Variants in CAMSAP2 observed in about 807,000 individuals in gnomAD.
CAMSAP2 encodes calmodulin regulated spectrin associated protein family member 2.
CAMSAP2 carries 26 observed loss-of-function variants against 146.1 expected under a neutral mutation model. The observed-to-expected ratio is 0.18, with a 90% CI of 0.13 to 0.25. The LOEUF is 0.25. CAMSAP2 is among the 10% of genes least tolerant of loss of function. The pLI, the probability that CAMSAP2 is intolerant of heterozygous loss-of-function variation, is 1.00. For synonymous variants in CAMSAP2, 499 were observed against 596.6 expected (o/e 0.84, Z 2.38); for missense variants, 1,381 against 1,759.3 (o/e 0.78, Z 3.85).
intron 4 of CAMSAP2, among the ~76,000 whole-genome samples, chr1:200,819,480 A>G (rs1049347315): frequency 1.3e-5 from 2 of 152,224 alleles, no homozygotes; most frequent in African/African-American, 4.8e-5. Context: ...AGCCAAGATG[A>G]CATTAAGTCC....
At chr1:200,775,223 A>G (rs1665238625) in intron 2 of CAMSAP2, among the ~76,000 whole-genome samples, 1 of 152,226 alleles carries the variant, frequency 6.6e-6, no homozygotes, top group East Asian at 1.9e-4. Flanking sequence ...AAGAAATAGT[A>G]AGCTTACTGG....
At position 200,857,122 on chromosome 1, in the gene CAMSAP2, A is replaced by G. The variant is rs561744000; in HGVS notation, c.4013-184A>G. On this transcript the variant is annotated intron_variant, in intron 15 of 16. Transcript: ENST00000358823. The surrounding 1 kb of genome is among the most constrained non-coding windows in gnomAD (Gnocchi z 4.7). ...CCAAAAGGCCATAGGAACATCCTCC[A>G]TATCTCTGGGTGGATAAAACAATGT... Among the ~76,000 whole-genome samples, 4 of 152,268 alleles carry G rather than the reference A, an allele frequency of 2.6e-5. No homozygotes were observed. The highest frequency in any genetic ancestry group is 7.2e-5 in the African/African-American group (3 of 41,546).
intron 2 of CAMSAP2, among the ~76,000 whole-genome samples, chr1:200,802,382 G>A (rs551407764): frequency 3.0e-4 from 45 of 152,248 alleles, no homozygotes; most frequent in Non-Finnish European, 5.3e-4. Context: ...TCATCTCAGC[G>A]GAGTTGCAAG....
At chr1:200,847,874 TAA>T (rs1413695900) in intron 10 of CAMSAP2, among the ~76,000 whole-genome samples, 156 bp from the exon 11 acceptor site, 1 of 152,204 alleles carries the variant, frequency 6.6e-6, no homozygotes, top group Non-Finnish European at 1.5e-5. Context: ...AGGCTAACTT[TAA>T]AAAGTAGCTA....
intron 2 of CAMSAP2, among the ~76,000 whole-genome samples, chr1:200,774,319 A>G (rs1665205755): frequency 6.6e-6 from 1 of 151,808 alleles, no homozygotes; most frequent in African/African-American, 2.4e-5. Flanking sequence ...AAAAAAAAAA[A>G]TCTTTACAAT....
In CAMSAP2 at chr1:200,832,162, GTACT is replaced by G. The variant is rs749190601; in HGVS notation, c.646-35_646-32del. On this transcript the variant is annotated intron_variant, in intron 4 of 16. Coordinates refer to ENST00000358823, the MANE Select transcript of CAMSAP2 (RefSeq NM_203459.4). The surrounding 1 kb of genome is among the most constrained non-coding windows in gnomAD (Gnocchi z 4.2). ...TGATTTTTTTCCTATGCGTTATTTG[GTACT>G]TATTTATTTTCATGTATTTTTTTTA... is the stretch of plus-strand genomic sequence containing the variant. 28 of 1,546,274 alleles carry G rather than the reference GTACT, an allele frequency of 1.8e-5. No individual in the cohort carries two copies. Among genetic ancestry groups the G allele is most frequent in the Non-Finnish European group, 2.4e-5 (28 of 1,144,042 alleles).
intron 4 of CAMSAP2, among the ~76,000 whole-genome samples, chr1:200,821,181 C>T (rs10733063): frequency 0.72 from 105,936 of 147,932 alleles, 37,794 homozygotes; most frequent in Middle Eastern, 0.78. Context: ...TCTTCTTCTT[C>T]TTTTTTTTTT....
At position 200,739,771 on chromosome 1, in the gene CAMSAP2, C is replaced by G; in HGVS notation, c.-57C>G. On this transcript the variant is annotated 5_prime_UTR_variant, in exon 1 of 17. Transcript: ENST00000358823. The surrounding 1 kb of genome is among the most constrained non-coding windows in gnomAD (Gnocchi z 4.8). ...CCCTCCCTCCCGACCCCCGTGGTGG[C>G]GAGGCCACGCCATGTGAAGGTTAGG... 2.0e-6 allele frequency: 3 copies of G among 1,517,716 alleles called. No homozygotes were observed. Among genetic ancestry groups the G allele is most frequent in the Middle Eastern group, 1.9e-4 (1 of 5,270 alleles). 94.0% of individuals were successfully genotyped at this position (1,517,716 alleles called of 1,614,324 possible). A position where few individuals can be genotyped will look rare whatever the true frequency, so the allele number is the denominator to read the frequency against.
intron 2 of CAMSAP2, among the ~76,000 whole-genome samples, chr1:200,797,986 A>G (rs2103038193): frequency 1.3e-5 from 2 of 152,226 alleles, no homozygotes; most frequent in South Asian, 4.2e-4. Context: ...AGTTGTAGGT[A>G]TGCGGCGTTA....
intron 1 of CAMSAP2, among the ~76,000 whole-genome samples, chr1:200,743,189 C>G (rs1185146884): frequency 6.6e-6 from 1 of 152,160 alleles, no homozygotes; most frequent in Non-Finnish European, 1.5e-5. Context: ...TCTCTTAAAT[C>G]CTTTGGGGGA....
chr1:200,784,765 A>G (rs1291529483), intron 2 of CAMSAP2, among the ~76,000 whole-genome samples: 2 of 152,194 alleles, frequency 1.3e-5, no homozygotes, highest in African/African-American at 4.8e-5. Flanking sequence ...ACTGCCAAAC[A>G]CTAACAGTTA....
At position 200,852,533 on chromosome 1, in the gene CAMSAP2, G is replaced by T. The variant is rs542664980; in HGVS notation, c.3466-8G>T. ...TGTTTGATCGTTTTCAATGAAATTC[G>T]TTCTTAGGATGATCAAAAAGCAGAA... is the stretch of plus-strand genomic sequence containing the variant. On this transcript the variant is annotated splice_polypyrimidine_tract_variant and splice_region_variant and intron_variant, in intron 11 of 16. Transcript: ENST00000358823. 6.2e-7 allele frequency: 1 copy of T among 1,601,950 alleles called. No homozygotes were observed.
intron 11 of CAMSAP2, 90 bp from the exon 12 acceptor site, chr1:200,852,451 G>A (rs919781130): frequency 6.9e-7 from 1 of 1,439,812 alleles, no homozygotes; most frequent in South Asian, 1.4e-5. Context: ...TTCAGTTATA[G>A]GACTAACCAC....
intron 2 of CAMSAP2, among the ~76,000 whole-genome samples, chr1:200,778,028 A>G (rs753268130): frequency 6.6e-6 from 1 of 152,226 alleles, no homozygotes; most frequent in Non-Finnish European, 1.5e-5. Context: ...ACTTGAGCTC[A>G]GGAGTTCGAG....
chr1:200,750,888 C>A (rs1346831451), intron 1 of CAMSAP2, among the ~76,000 whole-genome samples: 1 of 144,396 alleles, frequency 6.9e-6, no homozygotes, highest in Non-Finnish European at 1.5e-5. Flanking sequence ...TAGGCATGAG[C>A]CACCGCGCCT....
At chr1:200,741,545 A>G (rs1347297749) in intron 1 of CAMSAP2, among the ~76,000 whole-genome samples, 4 of 152,256 alleles carry the variant, frequency 2.6e-5, no homozygotes, top group Non-Finnish European at 5.9e-5. Flanking sequence ...CCTATGTGGA[A>G]AAGTAGTATG....
chr1:200,832,243 G>T lies in CAMSAP2; in HGVS notation c.689G>T (p.Cys230Phe). The change falls in exon 5 of 17, where the codon TGC (cysteine) becomes TTC (phenylalanine). Residue 230 changes from cysteine (C) to phenylalanine (F), a missense_variant. By Grantham distance (205) the Cys-to-Phe change is radical. This residue lies in a region of CAMSAP2 where 284 missense variants were observed against 406.9 expected (regional missense o/e 0.70). Transcript: ENST00000358823. The surrounding 1 kb of genome is among the most constrained non-coding windows in gnomAD (Gnocchi z 4.2). ...KEQTLLKQLP[C>F]IPLVENLLKD... ...CAAACATTGCTTAAGCAACTGCCTT[G>T]CATTCCATTGGTAGAAAATTTGTTG... 2.5e-6 allele frequency: 4 copies of T among 1,613,330 alleles called. No individual in the cohort carries two copies. The highest frequency in any genetic ancestry group is 3.4e-6 in the Non-Finnish European group (4 of 1,179,578).
chr1:200,760,630 G>T (rs1256330959), intron 1 of CAMSAP2, among the ~76,000 whole-genome samples: 1 of 152,174 alleles, frequency 6.6e-6, no homozygotes, highest in Non-Finnish European at 1.5e-5. Flanking sequence ...AATATACTCA[G>T]AAAGTATCTT....
chr1:200,829,909 AGAGT>A, intron 4 of CAMSAP2, among the ~76,000 whole-genome samples: 1 of 152,308 alleles, frequency 6.6e-6, no homozygotes, highest in East Asian at 1.9e-4. Context: ...CCTGGGTAAC[AGAGT>A]GAGACGCTAT....
Sources: gnomAD v4.1 joint callset for allele counts (sites outside exome capture counted in the v4.1 genomes callset) on GRCh38, gnomAD v4.1.1 for gene constraint, gnomAD v4.1.1 regional missense constraint, Gnocchi (gnomAD v3.1) non-coding constraint, MANE v1.5 for transcripts, NCBI Gene and HGNC (gene_info 2026-07-23, HGNC 2026-07-21) for gene names.